Variants in RBFOX1 observed in about 807,000 individuals in gnomAD.
RBFOX1 encodes RNA binding fox-1 homolog 1.
In RBFOX1, 8 loss-of-function variants were observed where a neutral mutation model predicts 57.7. That is an observed-to-expected ratio of 0.14 (90% CI 0.08 to 0.25). The LOEUF (loss-of-function observed/expected upper bound fraction) is 0.25. Ranked by LOEUF, RBFOX1 falls within the 10% of genes least tolerant of loss-of-function variation. The probability of loss-of-function intolerance (pLI) is 1.00; values close to 1 mark genes in which losing one functional copy is unlikely to be tolerated. For synonymous variants in RBFOX1, 326 were observed against 222.4 expected, an observed-to-expected ratio of 1.47 and a Z score of -4.15; for missense variants, 611 against 548.5, an observed-to-expected ratio of 1.11 and a Z score of -1.14.
In RBFOX1 at chr16:6,912,596, TCTTTTC is replaced by T. The variant is rs1176573555; in HGVS notation, c.-15-139460_-15-139455del. 8.5e-5 allele frequency among the ~76,000 whole-genome samples: 12 copies of T among 141,214 alleles called. No homozygotes were observed. The South Asian group carries it at 2.0e-3, about 23-fold the overall frequency. The allele number at this position is 141,214 out of a possible 152,430, so 92.6% of individuals were successfully genotyped here. A position where few individuals can be genotyped will look rare whatever the true frequency, so the allele number is the denominator to read the frequency against. ...CTTTTTCTTTCTTGCTTTCTTGCTTTCTTTTCTTGTGTGTGTGTGTTATTACTATTT... is the reference window on the plus strand; with the variant it reads ...CTTTTTCTTTCTTGCTTTCTTGCTTTTTGTGTGTGTGTGTTATTACTATTT... On this transcript the variant is annotated intron_variant, in intron 3 of 15. Coordinates refer to ENST00000550418, the MANE Select transcript of RBFOX1 (RefSeq NM_018723.4).
intron 2 of RBFOX1, among the ~76,000 whole-genome samples, chr16:6,532,762 G>A (rs1483375103): frequency 6.6e-6 from 1 of 152,116 alleles, no homozygotes; most frequent in Non-Finnish European, 1.5e-5. Context: ...TCTTTTTAGG[G>A]CATTTACCGT....
chr16:5,329,982 CAAAAAAAA>C lies in RBFOX1; in HGVS notation c.219+89891_219+89898del, dbSNP rs71142613. Among the ~76,000 whole-genome samples the C allele has an allele frequency of 1.6e-3, 227 of 144,582 alleles. 3 individuals are homozygous for C. The highest frequency in any genetic ancestry group is 9.7e-3 in the South Asian group (46 of 4,744). 94.9% of individuals were successfully genotyped at this position (144,582 alleles called of 152,430 possible). ...TGGGTGACAGAGCGAGACTCTGTCT[CAAAAAAAA>C]AAAAAAAAAAAAAGACCGATGCGGT... On this transcript the variant is annotated intron_variant, in intron 1 of 2. Transcript: ENST00000585867.
chr16:6,210,691 C>T (rs1345882002), intron 1 of RBFOX1, among the ~76,000 whole-genome samples: 2 of 151,288 alleles, frequency 1.3e-5, no homozygotes, highest in Non-Finnish European at 2.9e-5. Flanking sequence ...CCACTGCACT[C>T]CAGTGCCTGG....
At chr16:6,919,826 T>G (rs1025972180) in intron 3 of RBFOX1, among the ~76,000 whole-genome samples, 3 of 149,238 alleles carry the variant, frequency 2.0e-5, no homozygotes, top group Admixed American at 1.4e-4. Flanking sequence ...AACAAGTGGT[T>G]TTTGTTAAAT....
chr16:5,630,048 A>G (rs2048457154), intron 3 of RBFOX1, among the ~76,000 whole-genome samples: 2 of 152,194 alleles, frequency 1.3e-5, no homozygotes, highest in Admixed American at 1.3e-4. Context: ...ATGCAGATAC[A>G]TATCAGGATT....
At chr16:5,406,070 G>A (rs519562) in intron 1 of RBFOX1, among the ~76,000 whole-genome samples, 84,372 of 151,992 alleles carry the variant, frequency 0.56, 23,866 homozygotes, top group Middle Eastern at 0.67. Context: ...TGCAACCAAA[G>A]GCATTCCAAC....
At chr16:6,556,305 G>A (rs868165236) in intron 2 of RBFOX1, among the ~76,000 whole-genome samples, 1 of 152,236 alleles carries the variant, frequency 6.6e-6, no homozygotes, top group African/African-American at 2.4e-5. Flanking sequence ...TTAACTAAAG[G>A]TTCATTTGTT....
chr16:7,522,334 G>A (rs1005600412), intron 5 of RBFOX1, among the ~76,000 whole-genome samples: 2 of 152,260 alleles, frequency 1.3e-5, no homozygotes, highest in Admixed American at 6.5e-5. Context: ...GAAGGAAGAG[G>A]AACTATTGAG....
chr16:6,167,815 C>A (rs2096928840), intron 1 of RBFOX1, among the ~76,000 whole-genome samples: 1 of 152,032 alleles, frequency 6.6e-6, no homozygotes, highest in Non-Finnish European at 1.5e-5. Context: ...TGTAGGGTGC[C>A]CCATAGCAGG....
intron 2 of RBFOX1, among the ~76,000 whole-genome samples, chr16:5,470,370 T>G (rs1315469955): frequency 6.6e-6 from 1 of 152,236 alleles, no homozygotes; most frequent in East Asian, 1.9e-4. Context: ...CTTTTCCCAC[T>G]GCAGCCCCTT....
chr16:6,041,325 C>T (rs1306426666), intron 1 of RBFOX1, among the ~76,000 whole-genome samples: 4 of 152,146 alleles, frequency 2.6e-5, no homozygotes, highest in Admixed American at 2.0e-4. Context: ...TGCTTCACTA[C>T]TTAAAAAGCT....
At chr16:6,954,537 C>T (rs1456861487) in intron 3 of RBFOX1, among the ~76,000 whole-genome samples, 2 of 152,116 alleles carry the variant, frequency 1.3e-5, no homozygotes, top group African/African-American at 2.4e-5. Flanking sequence ...AAAATACATG[C>T]CAACTGTCCT....
At chr16:6,518,957 C>G (rs1170861680) in intron 2 of RBFOX1, among the ~76,000 whole-genome samples, 1 of 151,946 alleles carries the variant, frequency 6.6e-6, no homozygotes, top group Non-Finnish European at 1.5e-5. Context: ...TTCTGGCTTA[C>G]CACCACCTAG....
chr16:6,929,975 A>G (rs72772264), intron 3 of RBFOX1, among the ~76,000 whole-genome samples: 13,483 of 152,164 alleles, frequency 0.089, 799 homozygotes, highest in Non-Finnish European at 0.13. Flanking sequence ...ATGACTGGCA[A>G]ACCTGTCCAG....
At chr16:6,562,946 C>T (rs1305600288) in intron 2 of RBFOX1, among the ~76,000 whole-genome samples, 5 of 137,602 alleles carry the variant, frequency 3.6e-5, no homozygotes, top group Admixed American at 2.4e-4. Flanking sequence ...GGATGAGTCC[C>T]ACAGCCCTTT....
chr16:6,914,105 T>G (rs1395125087), intron 3 of RBFOX1, among the ~76,000 whole-genome samples: 1 of 152,196 alleles, frequency 6.6e-6, no homozygotes, highest in African/African-American at 2.4e-5. Flanking sequence ...GCTAAAACAT[T>G]TGGAATGATA....
chr16:7,076,137 G>A lies in RBFOX1; in HGVS notation c.27+24039G>A, dbSNP rs930676879. Among the ~76,000 whole-genome samples, 13 of 151,650 alleles carry A rather than the reference G, an allele frequency of 8.6e-5. No individual in the cohort carries two copies. The East Asian group carries it at 2.0e-3, about 23-fold the overall frequency. Reference sequence around the variant, plus strand: ...GCTCACTGCAACCTCTGCCTCCCGGGTTCAAGTGATTCCCCTGCCTCAGCC... The same window carrying A: ...GCTCACTGCAACCTCTGCCTCCCGGATTCAAGTGATTCCCCTGCCTCAGCC... On this transcript the variant is annotated intron_variant, in intron 4 of 15. Coordinates refer to ENST00000550418, the MANE Select transcript of RBFOX1 (RefSeq NM_018723.4).
In RBFOX1 at chr16:6,100,769, A is replaced by G. The variant is rs201075874; in HGVS notation, c.-127+80777A>G. ...TCTTAATTAACTTGCCCAGGTTAAC[A>G]GTGTTTGTCAAAATAGCAAAGTTGG... On this transcript the variant is annotated intron_variant, in intron 1 of 15. Coordinates refer to ENST00000550418, the MANE Select transcript of RBFOX1 (RefSeq NM_018723.4). Among the ~76,000 whole-genome samples the G allele has an allele frequency of 1.2e-4, 19 of 152,326 alleles. No homozygotes were observed. In the East Asian group the frequency reaches 2.9e-3, roughly 23 times the overall value.
intron 2 of RBFOX1, among the ~76,000 whole-genome samples, chr16:5,480,965 C>T (rs1159088936): frequency 6.6e-6 from 1 of 152,190 alleles, no homozygotes; most frequent in African/African-American, 2.4e-5. Context: ...GTGGAATGCT[C>T]CGTCTAAAGT....
Sources: allele counts gnomAD v4.1 joint callset (sites outside exome capture counted in the v4.1 genomes callset), GRCh38; gene constraint gnomAD v4.1.1; transcripts MANE v1.5; gene names NCBI Gene and HGNC (gene_info 2026-07-23, HGNC 2026-07-21).